The following HIPK3 variants were observed in gnomAD, a reference collection of about 807,000 sequenced individuals.
HIPK3 encodes the protein homeodomain-interacting protein kinase 3.
HIPK3 carries 47 observed loss-of-function variants against 124.2 expected under a neutral mutation model. The ratio of observed to expected loss-of-function variants is 0.38; its 90% CI spans 0.30 to 0.48. The LOEUF is 0.48. Ranked by LOEUF, HIPK3 falls within the 20% of genes least tolerant of loss-of-function variation. The probability of loss-of-function intolerance (pLI) is 0.98; values close to 1 mark genes in which losing one functional copy is unlikely to be tolerated. For missense variants in HIPK3, 1,286 were observed against 1,454.3 expected, an observed-to-expected ratio of 0.88 and a Z score of 1.88; for synonymous variants, 482 against 515.2, an observed-to-expected ratio of 0.94 and a Z score of 0.87.
intron 2 of HIPK3, among the ~76,000 whole-genome samples, chr11:33,290,829 G>A (rs1005923056): frequency 6.6e-6 from 1 of 151,970 alleles, no homozygotes; most frequent in Non-Finnish European, 1.5e-5. Context: ...GCTAAATACA[G>A]TTAGTAGTTT....
intron 2 of HIPK3, among the ~76,000 whole-genome samples, chr11:33,295,460 G>A (rs536484228): frequency 9.7e-4 from 148 of 152,324 alleles, no homozygotes; most frequent in African/African-American, 3.4e-3. Flanking sequence ...TGGAGGCCTC[G>A]CAATAAAACG....
Position 33,353,750 on chromosome 11 carries a change from G to A in HIPK3, c.*182G>A, listed in dbSNP as rs1853742314. On this transcript the variant is annotated 3_prime_UTR_variant, in exon 17 of 17. Transcript: ENST00000303296. ...GTGTTTTGCACATTTGGTATAACTT[G>A]TCTTTGGTCATGTTATCTTCTTATG... The A allele has an allele frequency of 5.3e-6, 3 of 564,506 alleles. No individual in the cohort carries two copies. Among genetic ancestry groups the A allele is most frequent in the Non-Finnish European group, 9.5e-6 (3 of 316,374 alleles). 35.0% of individuals were successfully genotyped at this position (564,506 alleles called of 1,614,324 possible).
intron 8 of HIPK3, among the ~76,000 whole-genome samples, chr11:33,346,922 C>T (rs1853510473): frequency 6.6e-6 from 1 of 152,098 alleles, no homozygotes; most frequent in Admixed American, 6.5e-5. Flanking sequence ...GGTGTGGTGG[C>T]TCATGCCTGT....
chr11:33,335,504 ACTTAT>A (rs1015089054), intron 3 of HIPK3, among the ~76,000 whole-genome samples: 26 of 152,204 alleles, frequency 1.7e-4, no homozygotes, highest in African/African-American at 5.5e-4. Context: ...ACAGGCCATT[ACTTAT>A]CTTAATACCA....
rs546914336 is a variant in HIPK3 at position 33,312,917 on chromosome 11, C to CATTG, written c.1098-15591_1098-15588dup. Among the ~76,000 whole-genome samples the CATTG allele has an allele frequency of 1.2e-4, 19 of 152,298 alleles. No homozygotes were observed. In the South Asian group the frequency reaches 3.9e-3, roughly 32 times the overall value. On this transcript the variant is annotated intron_variant, in intron 2 of 16. Transcript: ENST00000303296. Reference sequence around the variant, plus strand: ...AGTGACGTTTACAATTCACATAAGGCATTGAGTTTGTAAGTAATTGCCAGA... The same window carrying CATTG: ...AGTGACGTTTACAATTCACATAAGGCATTGATTGAGTTTGTAAGTAATTGCCAGA...
intron 2 of HIPK3, among the ~76,000 whole-genome samples, chr11:33,324,689 G>A (rs987426919): frequency 4.6e-5 from 7 of 152,154 alleles, no homozygotes; most frequent in African/African-American, 1.7e-4. Context: ...CACTAGAGTT[G>A]GGCTATTCTT....
intron 2 of HIPK3, among the ~76,000 whole-genome samples, chr11:33,316,278 A>G (rs974442426): frequency 6.6e-6 from 1 of 152,228 alleles, no homozygotes; most frequent in Non-Finnish European, 1.5e-5. Context: ...AAATAAACTC[A>G]CTAGTAGTAT....
intron 6 of HIPK3, 29 bp downstream of exon 6, chr11:33,339,563 G>C: frequency 7.0e-7 from 1 of 1,429,472 alleles, no homozygotes; most frequent in Non-Finnish European, 9.6e-7. Context: ...TTTTAAAGTG[G>C]TTCTAAAAAA....
chr11:33,309,254 G>C (rs1209503949), intron 2 of HIPK3, among the ~76,000 whole-genome samples: 1 of 152,130 alleles, frequency 6.6e-6, no homozygotes, highest in Admixed American at 6.5e-5. Context: ...GCAAATGGAG[G>C]ATTAGAACTT....
rs932907967 is a variant in HIPK3 at position 33,263,571 on chromosome 11, C to T, written c.-3+5682C>T. Among the ~76,000 whole-genome samples, 5 of 152,292 alleles carry T rather than the reference C, an allele frequency of 3.3e-5. No individual in the cohort carries two copies. In the East Asian group the frequency reaches 5.8e-4, roughly 18 times the overall value. ...CCTCAAGTGATCTGCCCACCTTGGCCTCCCAAAGTGCTGGGATTACAGTAA... is the reference window on the plus strand; with the variant it reads ...CCTCAAGTGATCTGCCCACCTTGGCTTCCCAAAGTGCTGGGATTACAGTAA... On this transcript the variant is annotated intron_variant, in intron 1 of 16. Transcript: ENST00000303296.
intron 14 of HIPK3, among the ~76,000 whole-genome samples, chr11:33,350,871 A>G (rs1853637890): frequency 1.3e-5 from 2 of 152,224 alleles, no homozygotes; most frequent in Admixed American, 1.3e-4. Context: ...GTTGCTTATA[A>G]TATGGTTTGA....
intron 8 of HIPK3, among the ~76,000 whole-genome samples, chr11:33,346,550 AAAG>A (rs1219214567): frequency 6.6e-6 from 1 of 152,208 alleles, no homozygotes; most frequent in Non-Finnish European, 1.5e-5. Context: ...TCACAGTTTT[AAAG>A]AAGAAGATAA....
At chr11:33,302,837 T>G (rs556417541) in intron 2 of HIPK3, among the ~76,000 whole-genome samples, 20 of 152,326 alleles carry the variant, frequency 1.3e-4, no homozygotes, top group African/African-American at 4.1e-4. Flanking sequence ...TGTACATTAA[T>G]GAGTTAAAGT....
chr11:33,265,472 T>C (rs910379520), intron 1 of HIPK3, among the ~76,000 whole-genome samples: 4 of 152,142 alleles, frequency 2.6e-5, no homozygotes, highest in African/African-American at 9.7e-5. Flanking sequence ...AATATTTGTA[T>C]GAAAACTATT....
chr11:33,257,142 C>A (rs1850684156), upstream of HIPK3, among the ~76,000 whole-genome samples: 1 of 152,076 alleles, frequency 6.6e-6, no homozygotes, highest in Non-Finnish European at 1.5e-5. Context: ...TCGCGGGAGG[C>A]TTGGCTTGCG....
At chr11:33,272,618 T>G (rs987537594) in intron 1 of HIPK3, among the ~76,000 whole-genome samples, 11 of 152,006 alleles carry the variant, frequency 7.2e-5, no homozygotes, top group Non-Finnish European at 1.5e-4. Context: ...TTTTCCTTTT[T>G]TCTTTCCTTT....
At position 33,340,872 on chromosome 11, in the gene HIPK3, T is replaced by C. The variant is rs1853312072; in HGVS notation, c.1614-96T>C. 4.4e-6 allele frequency: 3 copies of C among 674,564 alleles called. No homozygotes were observed. The South Asian group carries it at 9.3e-5, about 21-fold the overall frequency. The allele number at this position is 674,564 out of a possible 1,614,324, so 41.8% of individuals were successfully genotyped here. On this transcript the variant is annotated intron_variant, in intron 6 of 16. Coordinates refer to ENST00000303296, the MANE Select transcript of HIPK3 (RefSeq NM_005734.5). ...GATTAAGTGCAAATTAGGATTTTTTTCTTTTAGGAATAATTTTTTTATTTT... is the reference window on the plus strand; with the variant it reads ...GATTAAGTGCAAATTAGGATTTTTTCCTTTTAGGAATAATTTTTTTATTTT...
intron 3 of HIPK3, among the ~76,000 whole-genome samples, chr11:33,329,677 C>T (rs550906244): frequency 6.6e-6 from 1 of 152,294 alleles, no homozygotes; most frequent in East Asian, 1.9e-4. Flanking sequence ...ACCTTCCCTC[C>T]TCCATGTTCA....
At chr11:33,306,318 G>A (rs1476936377) in intron 2 of HIPK3, among the ~76,000 whole-genome samples, 1 of 152,072 alleles carries the variant, frequency 6.6e-6, no homozygotes, top group Non-Finnish European at 1.5e-5. Flanking sequence ...ATTTGTGATT[G>A]TAAAAACAGG....
Sources: allele counts gnomAD v4.1 joint callset (sites outside exome capture counted in the v4.1 genomes callset), GRCh38; gene constraint gnomAD v4.1.1; transcripts MANE v1.5; gene names NCBI Gene and HGNC (gene_info 2026-07-23, HGNC 2026-07-21).